Variants in CSMD3 observed in about 807,000 individuals in gnomAD.
CSMD3 encodes CUB and sushi domain-containing protein 3.
A neutral mutation model predicts 435.2 loss-of-function variants in CSMD3; 177 were observed. The observed-to-expected ratio is 0.41, with a 90% CI of 0.36 to 0.46. The LOEUF (loss-of-function observed/expected upper bound fraction) is 0.46. CSMD3 is among the 20% of genes least tolerant of loss of function. The pLI is 0.34. For missense variants in CSMD3, 4,265 were observed against 4,504.6 expected (o/e 0.95, Z 1.52); for synonymous variants, 1,656 against 1,520.5 (o/e 1.09, Z -2.07).
intron 32 of CSMD3, among the ~76,000 whole-genome samples, chr8:112,465,054 G>T (rs190276857): frequency 6.6e-6 from 1 of 152,260 alleles, no homozygotes; most frequent in Admixed American, 6.5e-5. Context: ...TTAAAAGTTA[G>T]TTAATATAGC....
intron 27 of CSMD3, among the ~76,000 whole-genome samples, chr8:112,520,123 T>G (rs75244383): frequency 0.01 from 1,598 of 152,226 alleles, 21 homozygotes; most frequent in African/African-American, 0.036. Flanking sequence ...TCTATTGTTA[T>G]ATATCAAATT....
chr8:112,454,483 A>T (rs544921272), intron 32 of CSMD3, among the ~76,000 whole-genome samples: 35 of 152,300 alleles, frequency 2.3e-4, no homozygotes, highest in Non-Finnish European at 4.4e-4. Flanking sequence ...CAAAATATTT[A>T]AAAAATGCTC....
At chr8:112,254,528 G>T (rs771230763) in intron 62 of CSMD3, among the ~76,000 whole-genome samples, 5 of 151,978 alleles carry the variant, frequency 3.3e-5, no homozygotes, top group Admixed American at 6.6e-5. Flanking sequence ...CATTTGATAT[G>T]AATTATGAAA....
intron 5 of CSMD3, among the ~76,000 whole-genome samples, chr8:113,090,498 ATTTG>A (rs938005872): frequency 5.3e-5 from 8 of 152,150 alleles, no homozygotes; most frequent in African/African-American, 1.9e-4. Context: ...CTCTGTTACA[ATTTG>A]TTTCTTTCTA....
At chr8:112,975,048 T>C (rs1300560446) in intron 7 of CSMD3, among the ~76,000 whole-genome samples, 1 of 151,874 alleles carries the variant, frequency 6.6e-6, no homozygotes, top group Non-Finnish European at 1.5e-5. Flanking sequence ...CTACATTGAA[T>C]TTTTTTCCTA....
At chr8:112,556,421 A>G (rs2131221692) in intron 25 of CSMD3, among the ~76,000 whole-genome samples, 1 of 152,134 alleles carries the variant, frequency 6.6e-6, no homozygotes, top group Middle Eastern at 3.4e-3. Flanking sequence ...GTAAATTAAA[A>G]AAATCTGGCC....
intron 12 of CSMD3, among the ~76,000 whole-genome samples, chr8:112,819,338 T>C (rs915052635): frequency 6.6e-5 from 10 of 152,130 alleles, no homozygotes; most frequent in Admixed American, 6.5e-5. Context: ...GGGTGGCCAA[T>C]TGGTCTCTGG....
At chr8:112,829,922 CACACAA>C (rs1269570188) in intron 11 of CSMD3, 133 bp from the exon 12 acceptor site, 20 of 428,182 alleles carry the variant, frequency 4.7e-5, no homozygotes, top group African/African-American at 2.0e-4. Flanking sequence ...CACACACACA[CACACAA>C]GCAGTTCAAT....
rs1821266830 is a variant in CSMD3, at chr8:112,304,818, G to A, written c.8169C>T (p.Phe2723=). The change falls in exon 52 of 71, where the codon TTC becomes TTT. Residue 2723 remains phenylalanine (F), a synonymous_variant. Coordinates refer to ENST00000297405, the MANE Select transcript of CSMD3 (RefSeq NM_198123.2). ...GTCCATGATAACCAGGGTCACAGCT[G>A]AAAACTACTTTGGTTTTGTATTCAT... ...SHYEYKTKVV[F]SCDPGYHGLG... is the part of the protein sequence containing the mutation. 1 of 1,613,748 alleles carries A rather than the reference G, an allele frequency of 6.2e-7. No individual in the cohort carries two copies. The highest frequency in any genetic ancestry group is 1.3e-5 in the African/African-American group (1 of 74,914).
intron 5 of CSMD3, among the ~76,000 whole-genome samples, chr8:113,025,458 T>C (rs2086842560): frequency 6.6e-6 from 1 of 152,160 alleles, no homozygotes; most frequent in Middle Eastern, 3.2e-3. Flanking sequence ...AGTTTCAGAC[T>C]ACGCATACTT....
intron 23 of CSMD3, among the ~76,000 whole-genome samples, chr8:112,580,893 G>C (rs1427565498): frequency 2.6e-5 from 4 of 152,054 alleles, no homozygotes; most frequent in Non-Finnish European, 4.4e-5. Flanking sequence ...GGCAAATACA[G>C]AATTGACTGA....
At chr8:112,665,564 A>C (rs1253413613) in intron 17 of CSMD3, among the ~76,000 whole-genome samples, 1 of 152,148 alleles carries the variant, frequency 6.6e-6, no homozygotes, top group Non-Finnish European at 1.5e-5. Flanking sequence ...TGTGGATCTA[A>C]TGCTTAAATA....
chr8:113,421,265 G>T (rs756196676), intron 1 of CSMD3, among the ~76,000 whole-genome samples: 13 of 152,256 alleles, frequency 8.5e-5, no homozygotes, highest in Middle Eastern at 3.4e-3. Flanking sequence ...CAAGATAATT[G>T]CACTGTGATT....
chr8:112,954,890 C>A (rs2083957115), intron 7 of CSMD3, 129 bp from the exon 8 acceptor site: 2 of 638,660 alleles, frequency 3.1e-6, no homozygotes, highest in South Asian at 1.8e-5. Flanking sequence ...TGATATAGTA[C>A]CCAGAAGAAT....
chr8:113,283,622 C>T (rs886469967), intron 2 of CSMD3, among the ~76,000 whole-genome samples: 3 of 152,134 alleles, frequency 2.0e-5, no homozygotes, highest in Admixed American at 2.0e-4. Flanking sequence ...CACGTCTACA[C>T]TACTGGTGGG....
At chr8:113,171,654 T>C (rs2092269982) in intron 4 of CSMD3, among the ~76,000 whole-genome samples, 1 of 152,138 alleles carries the variant, frequency 6.6e-6, no homozygotes, top group Non-Finnish European at 1.5e-5. Flanking sequence ...ATTATTTTGG[T>C]GATGTATCAA....
chr8:112,486,042 C>A (rs1430722370), intron 31 of CSMD3, among the ~76,000 whole-genome samples: 1 of 150,160 alleles, frequency 6.7e-6, no homozygotes, highest in African/African-American at 2.5e-5. Flanking sequence ...TCTATATAGG[C>A]CTTTGTATAC....
chr8:112,623,557 CACATTGTGCAGGTTAGTT>C (rs1834244187), intron 22 of CSMD3, among the ~76,000 whole-genome samples: 1 of 151,880 alleles, frequency 6.6e-6, no homozygotes, highest in Non-Finnish European at 1.5e-5. Context: ...GGTACATGTG[CACATTGTGCAGGTTAGTT>C]ACATATGTAT....
At chr8:112,664,112 C>G (rs1443996542) in intron 17 of CSMD3, among the ~76,000 whole-genome samples, 1 of 151,978 alleles carries the variant, frequency 6.6e-6, no homozygotes, top group Non-Finnish European at 1.5e-5. Flanking sequence ...TACCGTTGCA[C>G]CTCCTGATAC....
Sources: gnomAD v4.1 joint callset for allele counts (sites outside exome capture counted in the v4.1 genomes callset) on GRCh38, gnomAD v4.1.1 for gene constraint, MANE v1.5 for transcripts, NCBI Gene and HGNC (gene_info 2026-07-23, HGNC 2026-07-21) for gene names.